Variants in LOXHD1 observed in about 807,000 individuals in gnomAD.
LOXHD1 encodes the protein lipoxygenase homology domain-containing protein 1.
Under a neutral mutation model 248.2 loss-of-function variants are expected in LOXHD1, and 205 were observed. The observed-to-expected ratio is 0.83, with a 90% CI of 0.74 to 0.93. The LOEUF (loss-of-function observed/expected upper bound fraction) is 0.93. LOXHD1 is among the 40% of genes least tolerant of loss of function. The pLI is 0.00. For synonymous variants in LOXHD1, 1,113 were observed against 1,162.8 expected, an observed-to-expected ratio of 0.96 and a Z score of 0.87; for missense variants, 2,930 against 2,971.6, an observed-to-expected ratio of 0.99 and a Z score of 0.33.
At chr18:46,568,262 T>C (rs1163858121) in intron 16 of LOXHD1, among the ~76,000 whole-genome samples, 1 of 152,036 alleles carries the variant, frequency 6.6e-6, no homozygotes, top group Non-Finnish European at 1.5e-5. Context: ...GAGCAGCAGG[T>C]AGTAACAAAA....
In LOXHD1 at chr18:46,610,941, ACAAAAGAAATTAC is replaced by A; in HGVS notation, c.611-30_611-18del. The A allele has an allele frequency of 6.5e-7, 1 of 1,549,498 alleles. No individual in the cohort carries two copies. On this transcript the variant is annotated intron_variant, in intron 5 of 40. Coordinates refer to ENST00000642948, the MANE Select transcript of LOXHD1 (RefSeq NM_001384474.1). ...TACGCTCCCCTGTATGCACAGACAT[ACAAAAGAAATTAC>A]AAAAAGACCAGAAGAAAAGAATTTC...
rs889133207 is a variant in LOXHD1, at chr18:46,572,962, G to A, written c.1971-800C>T. ...TGTGTGAACCCAGGAGGCGGAGCTTGCAGTGAGCAGAGATTGCGCCACTGC... is the reference window on the plus strand; with the variant it reads ...TGTGTGAACCCAGGAGGCGGAGCTTACAGTGAGCAGAGATTGCGCCACTGC... On this transcript the variant is annotated intron_variant, in intron 14 of 40. Coordinates refer to ENST00000642948, the MANE Select transcript of LOXHD1 (RefSeq NM_001384474.1). Among the ~76,000 whole-genome samples the A allele has an allele frequency of 3.7e-4, 55 of 146,880 alleles. 1 individual carries two copies. The highest frequency in any genetic ancestry group is 5.9e-5 in the Non-Finnish European group (4 of 67,376).
At chr18:46,483,415 C>T (rs1247020778) in intron 40 of LOXHD1, among the ~76,000 whole-genome samples, 172 bp downstream of exon 40, 1 of 152,210 alleles carries the variant, frequency 6.6e-6, no homozygotes, top group Non-Finnish European at 1.5e-5. Context: ...CAGATAGCTT[C>T]AGAAGCATAC....
At chr18:46,539,140 G>C (rs2036447133) in intron 25 of LOXHD1, among the ~76,000 whole-genome samples, 1 of 152,184 alleles carries the variant, frequency 6.6e-6, no homozygotes, top group South Asian at 2.1e-4. Flanking sequence ...CTTTGCTTCA[G>C]AAACTTTTGG....
At chr18:46,621,192 G>A (rs1409793095) in intron 4 of LOXHD1, among the ~76,000 whole-genome samples, 2 of 152,158 alleles carry the variant, frequency 1.3e-5, no homozygotes, top group Non-Finnish European at 1.5e-5. Flanking sequence ...TTGGCTGGGT[G>A]GAGAATAGGA....
In LOXHD1 at chr18:46,640,703, G is replaced by A. The variant is rs562341419; in HGVS notation, c.327-903C>T. Among the ~76,000 whole-genome samples the A allele has an allele frequency of 5.9e-5, 9 of 152,190 alleles. No individual in the cohort carries two copies. The South Asian group carries it at 1.9e-3, about 32-fold the overall frequency. The stretch of plus-strand genomic sequence containing the variant: ...TATATAGGTAGCACGCCTCAATTTG[G>A]ATTAGCCACATTTCAAGTGTAATAG... On this transcript the variant is annotated intron_variant, in intron 3 of 40. Coordinates refer to ENST00000642948, the MANE Select transcript of LOXHD1 (RefSeq NM_001384474.1).
chr18:46,626,932 T>C (rs2038750746), intron 4 of LOXHD1, among the ~76,000 whole-genome samples: 1 of 152,236 alleles, frequency 6.6e-6, no homozygotes, highest in Non-Finnish European at 1.5e-5. Flanking sequence ...TTAAGATTAA[T>C]AGTTTGTTGA....
intron 14 of LOXHD1, among the ~76,000 whole-genome samples, chr18:46,573,982 G>A (rs909220739): frequency 6.6e-6 from 1 of 152,020 alleles, no homozygotes; most frequent in Non-Finnish European, 1.5e-5. Flanking sequence ...AAATCAACCC[G>A]TTAACAGCCT....
chr18:46,496,825 AAAC>A (rs772656647), intron 37 of LOXHD1, among the ~76,000 whole-genome samples: 128 of 152,126 alleles, frequency 8.4e-4, no homozygotes, highest in Non-Finnish European at 1.5e-3. Context: ...AAAAATGATG[AAAC>A]CCCGCCTCTA....
In LOXHD1 at chr18:46,601,420, C is replaced by T. The variant is rs1374658182; in HGVS notation, c.931G>A (p.Gly311Ser). The T allele has an allele frequency of 1.3e-6, 2 of 1,551,590 alleles. No homozygotes were observed. The highest frequency in any genetic ancestry group is 3.9e-5 in the Admixed American group (2 of 50,982). The change falls in exon 8 of 41, where the codon GGT becomes AGT. Residue 311 changes from glycine (G) to serine (S), a missense_variant. Physicochemically the swap from Gly to Ser is moderately conservative, Grantham distance 56 (BLOSUM62 0). Coordinates refer to ENST00000642948, the MANE Select transcript of LOXHD1 (RefSeq NM_001384474.1). ...ACCAAGTAGATTTTGGATTTGGTAC[C>T]AGCCCCCCGGACATCCCCAGTGAAG... ...TVFTGDVRGAGTKSKIYLVMY... is the reference protein window; with the variant it reads ...TVFTGDVRGASTKSKIYLVMY...
At chr18:46,557,953 A>G (rs1482014963) in intron 20 of LOXHD1, 1 of 1,037,082 alleles carries the variant, frequency 9.6e-7, no homozygotes. Context: ...GAAACTGAAG[A>G]CGGATTTGCC....
intron 37 of LOXHD1, among the ~76,000 whole-genome samples, chr18:46,492,846 T>G (rs1188382237): frequency 6.6e-6 from 1 of 152,190 alleles, no homozygotes; most frequent in Non-Finnish European, 1.5e-5. Flanking sequence ...ACCAAATTAT[T>G]TATCTTGTCC....
chr18:46,597,735 G>A (rs1289861203), intron 8 of LOXHD1, among the ~76,000 whole-genome samples: 2 of 151,840 alleles, frequency 1.3e-5, no homozygotes, highest in African/African-American at 2.4e-5. Context: ...AGGGGCCAAT[G>A]CTACTCATGA....
chr18:46,536,891 C>T (rs981966863), intron 26 of LOXHD1, among the ~76,000 whole-genome samples: 6 of 152,188 alleles, frequency 3.9e-5, no homozygotes, highest in Non-Finnish European at 7.3e-5. Context: ...GATCCCACTG[C>T]CTGGAGGGCC....
In LOXHD1 at chr18:46,548,191, A is replaced by G. The variant is rs528971637; in HGVS notation, c.3351-1133T>C. On this transcript the variant is annotated intron_variant, in intron 21 of 40. Coordinates refer to ENST00000642948, the MANE Select transcript of LOXHD1 (RefSeq NM_001384474.1). ...CTGGGTGCTAAGCTCCCAGAATAACACAAAGGGTCTCAGAATTCAGCCTGT... is the reference window on the plus strand; with the variant it reads ...CTGGGTGCTAAGCTCCCAGAATAACGCAAAGGGTCTCAGAATTCAGCCTGT... Among the ~76,000 whole-genome samples, 7 of 144,896 alleles carry G rather than the reference A, an allele frequency of 4.8e-5. No homozygotes were observed. The South Asian group carries it at 1.6e-3, about 33-fold the overall frequency.
chr18:46,507,786 C>T, intron 35 of LOXHD1, 74 bp from the exon 36 acceptor site: 2 of 1,446,092 alleles, frequency 1.4e-6, no homozygotes, highest in South Asian at 2.7e-5. Context: ...GCTCATGCAG[C>T]CCCTCCCCGA....
At chr18:46,616,703 G>A (rs139360862) in intron 5 of LOXHD1, among the ~76,000 whole-genome samples, 184 of 152,146 alleles carry the variant, frequency 1.2e-3, no homozygotes, top group Middle Eastern at 6.8e-3. Context: ...TAATTTAGCC[G>A]TCACTCTGGA....
At chr18:46,656,827 TCCCCATAGACAGGAACAGAC>T in intron 1 of LOXHD1, 57 bp downstream of exon 1, 1 of 1,464,024 alleles carries the variant, frequency 6.8e-7, no homozygotes, top group Middle Eastern at 1.9e-4. Context: ...TTAGAATGAC[TCCCCATAGACAGGAACAGAC>T]CCCTGCCCAC....
chr18:46,640,224 G>A (rs1055935769), intron 3 of LOXHD1, among the ~76,000 whole-genome samples: 5 of 152,110 alleles, frequency 3.3e-5, no homozygotes, highest in African/African-American at 1.2e-4. Flanking sequence ...AGGTCAAACA[G>A]GACAGTAAAG....
Sources: gnomAD v4.1 joint callset for allele counts (sites outside exome capture counted in the v4.1 genomes callset) on GRCh38, gnomAD v4.1.1 for gene constraint, MANE v1.5 for transcripts, NCBI Gene and HGNC (gene_info 2026-07-23, HGNC 2026-07-21) for gene names.